LRCH1: variants seen among roughly 807,000 people sequenced by gnomAD.
LRCH1 encodes the protein leucine rich repeats and calponin homology domain containing 1, also known as leucine-rich repeat and calponin homology domain-containing protein 1.
In LRCH1, 23 loss-of-function variants were observed where a neutral mutation model predicts 94.9. That is an observed-to-expected ratio of 0.24 (90% CI 0.17 to 0.34). LRCH1 has a LOEUF of 0.34. Ranked by LOEUF, LRCH1 falls within the 10% of genes least tolerant of loss-of-function variation. LRCH1 has a pLI of 1.00. For synonymous variants in LRCH1, 364 were observed against 354.9 expected, an observed-to-expected ratio of 1.03 and a Z score of -0.29; for missense variants, 790 against 945.9, an observed-to-expected ratio of 0.84 and a Z score of 2.16.
At chr13:46,655,207 C>T (rs73193004) in intron 2 of LRCH1, among the ~76,000 whole-genome samples, 10,859 of 152,148 alleles carry the variant, frequency 0.071, 468 homozygotes, top group East Asian at 0.21. Context: ...TAACCAGCTT[C>T]TTGGCTGATA....
chr13:46,705,861 C>T (rs1871732355), intron 13 of LRCH1, among the ~76,000 whole-genome samples: 1 of 152,212 alleles, frequency 6.6e-6, no homozygotes, highest in Non-Finnish European at 1.5e-5. Context: ...GCAGTTTTGA[C>T]ATAACACTAG....
intron 1 of LRCH1, among the ~76,000 whole-genome samples, chr13:46,612,468 T>G (rs1385579752): frequency 6.6e-6 from 1 of 152,218 alleles, no homozygotes; most frequent in Admixed American, 6.5e-5. Context: ...ACCTTGCCTA[T>G]TCTGTCGTGG....
At chr13:46,575,182 G>A (rs2050289821) in intron 1 of LRCH1, among the ~76,000 whole-genome samples, 1 of 152,102 alleles carries the variant, frequency 6.6e-6, no homozygotes, top group African/African-American at 2.4e-5. Flanking sequence ...CACAGGAACA[G>A]AGAACTGCTG....
intron 8 of LRCH1, among the ~76,000 whole-genome samples, 178 bp from the exon 9 acceptor site, chr13:46,694,715 G>T (rs1871083810): frequency 6.6e-6 from 1 of 152,146 alleles, no homozygotes; most frequent in Non-Finnish European, 1.5e-5. Context: ...GCTTTCTGGG[G>T]TTATTTTATT....
intron 1 of LRCH1, among the ~76,000 whole-genome samples, chr13:46,575,830 T>C (rs2050298623): frequency 6.6e-6 from 1 of 152,172 alleles, no homozygotes; most frequent in Admixed American, 6.5e-5. Flanking sequence ...GAAGCTCTTT[T>C]TGGCTAAAAT....
At chr13:46,651,124 A>G (rs1453195186) in intron 2 of LRCH1, among the ~76,000 whole-genome samples, 1 of 152,184 alleles carries the variant, frequency 6.6e-6, no homozygotes, top group Non-Finnish European at 1.5e-5. Flanking sequence ...TTCATCAAAT[A>G]TATCTTTACG....
Position 46,719,112 on chromosome 13 carries a change from C to T in LRCH1, c.1759+3448C>T, listed in dbSNP as rs76214581. ...ACTATGGATGCAGCTCTGAAAGAGACAGCCAAAATCTCTTTGCTTTCATAT... is the reference window on the plus strand; with the variant it reads ...ACTATGGATGCAGCTCTGAAAGAGATAGCCAAAATCTCTTTGCTTTCATAT... On this transcript the variant is annotated intron_variant, in intron 16 of 19. Coordinates refer to ENST00000389797, the MANE Select transcript of LRCH1 (RefSeq NM_001164211.2). Among the ~76,000 whole-genome samples, 5 of 36,314 alleles carry T rather than the reference C, an allele frequency of 1.4e-4. No individual in the cohort carries two copies. The East Asian group carries it at 1.8e-3, about 13-fold the overall frequency. 23.8% of individuals were successfully genotyped at this position (36,314 alleles called of 152,430 possible).
At chr13:46,747,418 C>T (rs954259449), downstream of LRCH1, among the ~76,000 whole-genome samples, 10 of 152,198 alleles carry the variant, frequency 6.6e-5, no homozygotes, top group African/African-American at 2.2e-4. Context: ...AGCCACTGCT[C>T]ATCAGGCCCT....
In LRCH1 at chr13:46,619,057, TTTC is replaced by T. The variant is rs1457708857; in HGVS notation, c.308-31141_308-31139del. Reference sequence around the variant, plus strand: ...CATCTAAAGTTCTCTTTTCTTTTCTTTTCTTTTTTCCTTCCTTCCTTCCTTCCT... The same window carrying T: ...CATCTAAAGTTCTCTTTTCTTTTCTTTTTTTTCCTTCCTTCCTTCCTTCCT... On this transcript the variant is annotated intron_variant, in intron 1 of 19. Transcript: ENST00000389797. 1.5e-3 allele frequency among the ~76,000 whole-genome samples: 222 copies of T among 149,978 alleles called. 1 individual carries two copies. Among genetic ancestry groups the T allele is most frequent in the East Asian group, 4.6e-3 (23 of 5,014 alleles).
At chr13:46,572,201 C>T (rs888005977) in intron 1 of LRCH1, among the ~76,000 whole-genome samples, 1 of 152,196 alleles carries the variant, frequency 6.6e-6, no homozygotes, top group Admixed American at 6.5e-5. Context: ...ACTCCCTGAC[C>T]CTGCTGTCCT....
At chr13:46,597,023 C>T (rs761053451) in intron 1 of LRCH1, among the ~76,000 whole-genome samples, 5 of 152,220 alleles carry the variant, frequency 3.3e-5, no homozygotes, top group Admixed American at 6.5e-5. Context: ...TGGGTTAATA[C>T]AGTCGATCCT....
intron 1 of LRCH1, among the ~76,000 whole-genome samples, chr13:46,567,371 G>T (rs1284189576): frequency 1.3e-5 from 2 of 151,836 alleles, no homozygotes; most frequent in Non-Finnish European, 2.9e-5. Flanking sequence ...GATTTTTTTT[G>T]AGTGCATGCA....
At chr13:46,616,069 G>C (rs990376435) in intron 1 of LRCH1, among the ~76,000 whole-genome samples, 1 of 152,204 alleles carries the variant, frequency 6.6e-6, no homozygotes, top group Non-Finnish European at 1.5e-5. Context: ...TTAGAATTAC[G>C]ATGCAGTAAT....
In LRCH1 at chr13:46,685,957, C is replaced by G. The variant is rs748953306; in HGVS notation, c.738C>G (p.Leu246=). ...VKFDFSCNKV[L]VIPICFREMK... ...TTGACTTTTCCTGCAACAAAGTGCT[C>G]GTGATTCCAATTTGTTTTAGAGAGA... Residue 246 remains leucine (L), a synonymous_variant, in exon 5 of 20, where the codon CTC becomes CTG. Coordinates refer to ENST00000389797, the MANE Select transcript of LRCH1 (RefSeq NM_001164211.2). 6.2e-7 allele frequency: 1 copy of G among 1,610,346 alleles called. No individual in the cohort carries two copies. The highest frequency in any genetic ancestry group is 8.5e-7 in the Non-Finnish European group (1 of 1,178,558).
chr13:46,698,809 A>T (rs1871323777), intron 9 of LRCH1, among the ~76,000 whole-genome samples: 1 of 152,220 alleles, frequency 6.6e-6, no homozygotes, highest in Non-Finnish European at 1.5e-5. Context: ...TTATGGGAAA[A>T]TACTTACAAA....
intron 1 of LRCH1, among the ~76,000 whole-genome samples, chr13:46,602,647 G>T (rs1484847670): frequency 6.6e-6 from 1 of 152,046 alleles, no homozygotes; most frequent in Admixed American, 6.6e-5. Flanking sequence ...TAATTGAAGG[G>T]CATTGATGAT....
intron 1 of LRCH1, among the ~76,000 whole-genome samples, chr13:46,647,120 A>C (rs2051231765): frequency 6.6e-6 from 1 of 152,012 alleles, no homozygotes; most frequent in African/African-American, 2.4e-5. Context: ...CTCAAAAAAA[A>C]AAAAAAAAAG....
At chr13:46,603,764 C>T (rs2050657380) in intron 1 of LRCH1, among the ~76,000 whole-genome samples, 1 of 152,148 alleles carries the variant, frequency 6.6e-6, no homozygotes. Context: ...TCAAGCGATC[C>T]TCCCACCTCA....
chr13:46,581,491 T>C (rs990694203), intron 1 of LRCH1, among the ~76,000 whole-genome samples: 13 of 152,232 alleles, frequency 8.5e-5, no homozygotes, highest in Admixed American at 5.9e-4. Context: ...CCAGTGAACA[T>C]GTACAGTGGA....
Sources: gnomAD v4.1 joint callset for allele counts (sites outside exome capture counted in the v4.1 genomes callset) on GRCh38, gnomAD v4.1.1 for gene constraint, MANE v1.5 for transcripts, NCBI Gene and HGNC (gene_info 2026-07-23, HGNC 2026-07-21) for gene names.